Variants in TAFA2 observed in about 807,000 individuals in gnomAD.
The protein encoded by TAFA2 is chemokine-like protein TAFA-2.
A neutral mutation model predicts 18.8 loss-of-function variants in TAFA2; 7 were observed. That is an observed-to-expected ratio of 0.37 (90% confidence interval 0.21 to 0.70). TAFA2 has a LOEUF of 0.70. TAFA2 is among the 30% of genes least tolerant of loss of function. The pLI is 0.53. For missense variants in TAFA2, 122 were observed against 158.1 expected, an observed-to-expected ratio of 0.77 and a Z score of 1.23; for synonymous variants, 60 against 54.2, an observed-to-expected ratio of 1.11 and a Z score of -0.47.
chr12:61,723,170 C>T lies in TAFA2; in HGVS notation c.385-12753G>A, dbSNP rs561733808. Among the ~76,000 whole-genome samples, 7 of 152,166 alleles carry T rather than the reference C, an allele frequency of 4.6e-5. No homozygotes were observed. The South Asian group carries it at 1.0e-3, about 23-fold the overall frequency. On this transcript the variant is annotated intron_variant, in intron 4 of 4. Transcript: ENST00000416284. ...AAATGTGGCCACTTCATGATTTATCCGATCAGCACTTTGTCATAGTTCTAT... is the reference window on the plus strand; with the variant it reads ...AAATGTGGCCACTTCATGATTTATCTGATCAGCACTTTGTCATAGTTCTAT...
At chr12:61,932,806 G>C (rs929110193) in intron 1 of TAFA2, among the ~76,000 whole-genome samples, 3 of 152,102 alleles carry the variant, frequency 2.0e-5, no homozygotes, top group African/African-American at 7.2e-5. Context: ...CAAGTTTCCG[G>C]CTTTCTGCAC....
At chr12:62,166,158 T>C (rs1447964934) in intron 1 of TAFA2, among the ~76,000 whole-genome samples, 1 of 152,164 alleles carries the variant, frequency 6.6e-6, no homozygotes, top group African/African-American at 2.4e-5. Flanking sequence ...TTTTCTTTTA[T>C]GTATTTCTTA....
At chr12:61,740,015 GT>G (rs1565616051) in intron 4 of TAFA2, among the ~76,000 whole-genome samples, 2 of 152,144 alleles carry the variant, frequency 1.3e-5, no homozygotes, top group East Asian at 3.9e-4. Context: ...GTATTTTAAA[GT>G]TGCAAAGCAA....
At chr12:61,767,849 A>G (rs764681357) in intron 2 of TAFA2, among the ~76,000 whole-genome samples, 3 of 152,070 alleles carry the variant, frequency 2.0e-5, no homozygotes, top group South Asian at 2.1e-4. Context: ...TGAACTACCC[A>G]TTCACTAGCA....
In TAFA2 at chr12:61,978,020, G is replaced by T. The variant is rs189128069; in HGVS notation, c.-1-110594C>A. 3.9e-5 allele frequency among the ~76,000 whole-genome samples: 6 copies of T among 152,182 alleles called. No homozygotes were observed. In the East Asian group the frequency reaches 1.2e-3, roughly 29 times the overall value. On this transcript the variant is annotated intron_variant, in intron 1 of 4. Transcript: ENST00000416284. The stretch of plus-strand genomic sequence containing the variant: ...AAATAATGAAAACATTGCTACAATA[G>T]TGACCATGATGAAGATGCTCAGAAG...
At chr12:61,728,869 T>G (rs574431102) in intron 4 of TAFA2, among the ~76,000 whole-genome samples, 99 of 152,230 alleles carry the variant, frequency 6.5e-4, no homozygotes, top group African/African-American at 2.2e-3. Flanking sequence ...GTTTCTATTT[T>G]GGTGTAATTC....
chr12:61,794,024 C>T (rs1871092316), intron 2 of TAFA2, among the ~76,000 whole-genome samples: 1 of 151,860 alleles, frequency 6.6e-6, no homozygotes, highest in South Asian at 2.1e-4. Context: ...AATAAGCTCT[C>T]AGCAAACTAG....
intron 1 of TAFA2, among the ~76,000 whole-genome samples, chr12:62,159,004 G>T (rs7978888): frequency 0.056 from 8,475 of 152,198 alleles, 327 homozygotes; most frequent in South Asian, 0.1. Context: ...AGATTATACA[G>T]GTATGATAAC....
chr12:62,099,388 T>TC (rs1869089726), intron 1 of TAFA2, among the ~76,000 whole-genome samples: 1 of 152,142 alleles, frequency 6.6e-6, no homozygotes, highest in Admixed American at 6.6e-5. Context: ...AATTTATCTT[T>TC]CCTTCTTCAT....
intron 1 of TAFA2, among the ~76,000 whole-genome samples, chr12:62,180,313 GT>G (rs1281790297): frequency 1.3e-5 from 2 of 152,166 alleles, no homozygotes; most frequent in African/African-American, 4.8e-5. Flanking sequence ...AGTTACACAA[GT>G]CTGAGTGTTT....
intron 1 of TAFA2, among the ~76,000 whole-genome samples, chr12:62,199,330 G>A (rs2062661727): frequency 6.6e-6 from 1 of 152,064 alleles, no homozygotes; most frequent in South Asian, 2.1e-4. Flanking sequence ...CCATGCATAA[G>A]CTATTTATTC....
At chr12:61,721,402 C>A (rs1021011436) in intron 4 of TAFA2, among the ~76,000 whole-genome samples, 1 of 152,106 alleles carries the variant, frequency 6.6e-6, no homozygotes, top group Non-Finnish European at 1.5e-5. Context: ...CATAGCCTTG[C>A]CTGATCATCC....
At chr12:61,992,062 T>C (rs757580241) in intron 1 of TAFA2, among the ~76,000 whole-genome samples, 115 of 152,300 alleles carry the variant, frequency 7.6e-4, no homozygotes, top group Non-Finnish European at 1.4e-3. Flanking sequence ...GGTGTCTCTC[T>C]ACTAAACCCC....
intron 1 of TAFA2, among the ~76,000 whole-genome samples, chr12:62,083,127 C>T (rs1360699462): frequency 3.3e-5 from 5 of 151,880 alleles, no homozygotes; most frequent in African/African-American, 1.2e-4. Flanking sequence ...TGCTGAGCAT[C>T]TTCTAAATTC....
chr12:61,961,049 A>T (rs1466113751), intron 1 of TAFA2, among the ~76,000 whole-genome samples: 1 of 151,904 alleles, frequency 6.6e-6, no homozygotes, highest in Non-Finnish European at 1.5e-5. Context: ...TTCCGCCATG[A>T]TTGTAAGTTT....
chr12:62,123,993 C>T lies in TAFA2; in HGVS notation c.-2+67266G>A, dbSNP rs80147025. ...TAAACTCGAATTTAAGCTGACTAGCCTACAAGATGCAACAATTTGGAAACA... is the reference window on the plus strand; with the variant it reads ...TAAACTCGAATTTAAGCTGACTAGCTTACAAGATGCAACAATTTGGAAACA... On this transcript the variant is annotated intron_variant, in intron 1 of 4. Transcript: ENST00000416284. 5.6e-3 allele frequency among the ~76,000 whole-genome samples: 853 copies of T among 152,028 alleles called. 6 individuals carry two copies. The highest frequency in any genetic ancestry group is 9.7e-3 in the Non-Finnish European group (656 of 67,970).
intron 1 of TAFA2, among the ~76,000 whole-genome samples, chr12:62,132,339 T>A (rs1316402815): frequency 6.6e-6 from 1 of 151,502 alleles, no homozygotes; most frequent in Non-Finnish European, 1.5e-5. Context: ...ACTGAGGGTA[T>A]CTCCCCAGTA....
At chr12:61,733,052 GT>G (rs1350126756) in intron 4 of TAFA2, among the ~76,000 whole-genome samples, 1 of 151,960 alleles carries the variant, frequency 6.6e-6, no homozygotes, top group Non-Finnish European at 1.5e-5. Flanking sequence ...CTTTTAGGGG[GT>G]TCTGAAAGAA....
intron 1 of TAFA2, among the ~76,000 whole-genome samples, chr12:62,158,175 C>A (rs56014209): frequency 6.6e-6 from 1 of 152,042 alleles, no homozygotes; most frequent in South Asian, 2.1e-4. Context: ...AGAGATAGAG[C>A]CTGGCACATA....
Sources: allele counts gnomAD v4.1 joint callset (sites outside exome capture counted in the v4.1 genomes callset), GRCh38; gene constraint gnomAD v4.1.1; transcripts MANE v1.5; gene names NCBI Gene and HGNC (gene_info 2026-07-23, HGNC 2026-07-21).